The following ARAP2 variants were observed in gnomAD, a reference collection of about 807,000 sequenced individuals.
The protein encoded by ARAP2 is arf-GAP with Rho-GAP domain, ANK repeat and PH domain-containing protein 2.
In ARAP2, 148 loss-of-function variants were observed where a neutral mutation model predicts 194.5. That is an observed-to-expected ratio of 0.76 (90% CI 0.67 to 0.87). The LOEUF is 0.87. ARAP2 is among the 40% of genes least tolerant of loss of function. The probability of loss-of-function intolerance (pLI) is 0.00; values close to 1 mark genes in which losing one functional copy is unlikely to be tolerated. For missense variants in ARAP2, 2,128 were observed against 1,989.7 expected, an observed-to-expected ratio of 1.07 and a Z score of -1.32; for synonymous variants, 695 against 683.5, an observed-to-expected ratio of 1.02 and a Z score of -0.26.
intron 31 of ARAP2, among the ~76,000 whole-genome samples, chr4:36,078,523 T>TAAC (rs1443561726): frequency 6.6e-6 from 1 of 152,204 alleles, no homozygotes; most frequent in East Asian, 1.9e-4. Flanking sequence ...ATTTTGCTGT[T>TAAC]TCCCTACAGA....
At position 36,228,841 on chromosome 4, in the gene ARAP2, A is replaced by G. The variant is rs1750878389; in HGVS notation, c.646T>C (p.Cys216Arg). The change falls in exon 2 of 33, where the codon TGC (cysteine) becomes CGC (arginine). Residue 216 changes from cysteine (C) to arginine (R), a missense_variant. By Grantham distance (180) the Cys-to-Arg change is radical. Coordinates refer to ENST00000303965, the MANE Select transcript of ARAP2 (RefSeq NM_015230.4). ...LSKLPNADSE[C>R]LSFVGCSTSG... Reference sequence around the variant, plus strand: ...GTTGAACAGCCAACAAAAGAAAGGCATTCAGAGTCTGCATTAGGGAGCTTA... The same window carrying G: ...GTTGAACAGCCAACAAAAGAAAGGCGTTCAGAGTCTGCATTAGGGAGCTTA... 6.2e-7 allele frequency: 1 copy of G among 1,614,066 alleles called. No individual in the cohort carries two copies. Among genetic ancestry groups the G allele is most frequent in the African/African-American group, 1.3e-5 (1 of 74,946 alleles).
intron 14 of ARAP2, 86 bp from the exon 15 acceptor site, chr4:36,158,950 C>A: frequency 8.1e-7 from 1 of 1,232,730 alleles, no homozygotes. Flanking sequence ...GAGTTTTGAG[C>A]TAGAAGAAAA....
chr4:36,069,802 G>A (rs1011573830), intron 32 of ARAP2, among the ~76,000 whole-genome samples: 1 of 152,144 alleles, frequency 6.6e-6, no homozygotes, highest in African/African-American at 2.4e-5. Context: ...TGTTGGAGAT[G>A]AGGCCTGATA....
intron 9 of ARAP2, among the ~76,000 whole-genome samples, chr4:36,008,853 A>C (rs1006320961): frequency 3.3e-5 from 5 of 152,166 alleles, no homozygotes; most frequent in Non-Finnish European, 5.9e-5. Context: ...TCAACAAGTA[A>C]AATACAAATA....
At chr4:36,146,010 C>T (rs1227677844) in intron 19 of ARAP2, among the ~76,000 whole-genome samples, 1 of 151,992 alleles carries the variant, frequency 6.6e-6, no homozygotes, top group Non-Finnish European at 1.5e-5. Flanking sequence ...TTACCATTCC[C>T]AAAACCAAAC....
At chr4:36,061,129 G>A (rs1724365658), downstream of ARAP2, among the ~76,000 whole-genome samples, 1 of 152,132 alleles carries the variant, frequency 6.6e-6, no homozygotes, top group South Asian at 2.1e-4. Context: ...TATATGAGAT[G>A]TTTTAATATA....
chr4:36,064,194 G>GT (rs1279397500), downstream of ARAP2, among the ~76,000 whole-genome samples: 2 of 116,736 alleles, frequency 1.7e-5, no homozygotes, highest in African/African-American at 6.6e-5. Flanking sequence ...TTGCTTTTTT[G>GT]TTTTTTTCTT....
intron 9 of ARAP2, among the ~76,000 whole-genome samples, chr4:36,176,096 C>T (rs1209387000): frequency 6.6e-6 from 1 of 152,150 alleles, no homozygotes; most frequent in Non-Finnish European, 1.5e-5. Context: ...TTCTCTTCAA[C>T]CTAGACTTTA....
intron 32 of ARAP2, among the ~76,000 whole-genome samples, chr4:36,069,965 T>C (rs1041788619): frequency 1.3e-5 from 2 of 152,120 alleles, no homozygotes; most frequent in African/African-American, 4.8e-5. Context: ...GCTCCAGCCA[T>C]GTAAGATGTG....
At chr4:36,083,666 T>C (rs1027678069) in intron 28 of ARAP2, among the ~76,000 whole-genome samples, 3 of 152,196 alleles carry the variant, frequency 2.0e-5, no homozygotes, top group African/African-American at 7.2e-5. Flanking sequence ...TTGGATATAT[T>C]CATGTTATAT....
At chr4:36,220,448 T>C (rs1748898410) in intron 2 of ARAP2, among the ~76,000 whole-genome samples, 1 of 152,204 alleles carries the variant, frequency 6.6e-6, no homozygotes. Flanking sequence ...TATAAAAGTA[T>C]AGTGCATAAA....
intron 5 of ARAP2, among the ~76,000 whole-genome samples, chr4:36,019,610 T>A (rs924038185): frequency 3.3e-5 from 5 of 151,722 alleles, no homozygotes; most frequent in South Asian, 4.1e-4. Context: ...GCTTCCTGGG[T>A]CCTGCACAAC....
At position 36,148,633 on chromosome 4, in the gene ARAP2, T is replaced by A. The variant is rs1001445105; in HGVS notation, c.2898-126A>T. The A allele has an allele frequency of 7.3e-5, 50 of 682,458 alleles. No individual in the cohort carries two copies. In the East Asian group the frequency reaches 1.3e-3, roughly 17 times the overall value. 42.3% of individuals were successfully genotyped at this position (682,458 alleles called of 1,614,324 possible). ...AAACTAATGTTATGAAATCATCCTA[T>A]TAGATTCTGTTAATGGTTTGCATTT... On this transcript the variant is annotated intron_variant, in intron 16 of 32. Coordinates refer to ENST00000303965, the MANE Select transcript of ARAP2 (RefSeq NM_015230.4).
chr4:36,193,376 G>C (rs2109918086), intron 7 of ARAP2, among the ~76,000 whole-genome samples: 1 of 152,276 alleles, frequency 6.6e-6, no homozygotes, highest in Admixed American at 6.5e-5. Flanking sequence ...TAAAATTAGT[G>C]TGTTAAGAGA....
intron 9 of ARAP2, among the ~76,000 whole-genome samples, chr4:36,010,373 G>C (rs1714244175): frequency 6.6e-6 from 1 of 151,956 alleles, no homozygotes. Flanking sequence ...CAACGGTCTA[G>C]TCCTACTATG....
Position 36,092,022 on chromosome 4 carries a change from T to C in ARAP2, c.4286-2A>G. 2 of 1,547,180 alleles carry C rather than the reference T, an allele frequency of 1.3e-6. No homozygotes were observed. ...TGATGCTTCCCAGTGTACTCCGGTCTGTAAAGTACAGCATTACTTTTGTGA... is the reference window on the plus strand; with the variant it reads ...TGATGCTTCCCAGTGTACTCCGGTCCGTAAAGTACAGCATTACTTTTGTGA... On this transcript the variant is annotated splice_acceptor_variant, in intron 27 of 32. Coordinates refer to ENST00000303965, the MANE Select transcript of ARAP2 (RefSeq NM_015230.4). LOFTEE classifies it high-confidence loss of function.
chr4:36,241,397 A>AT (rs1285589558), intron 1 of ARAP2, among the ~76,000 whole-genome samples: 1 of 152,146 alleles, frequency 6.6e-6, no homozygotes, highest in African/African-American at 2.4e-5. Context: ...TTACTGGACC[A>AT]TTTTTTAACA....
rs943695640 is a variant in ARAP2, at chr4:36,228,631, G to A, written c.856C>T (p.His286Tyr). 1.9e-6 allele frequency: 3 copies of A among 1,613,820 alleles called. No homozygotes were observed. In the African/African-American group the frequency reaches 4.0e-5, roughly 22 times the overall value. Residue 286 changes from histidine (H) to tyrosine (Y), a missense_variant, in exon 2 of 33, where the codon CAT (histidine) becomes TAT (tyrosine). Transcript: ENST00000303965. ...CCTGGAATCTCTGGTACAGGTCGAT[G>A]TCTTAGCAGAAAAGATCGAGATGGT... ...SRPSRSFLLR[H>Y]RPVPEIPGST...
chr4:36,015,700 CAA>C (rs1715658709), intron 7 of ARAP2: 1 of 152,088 alleles, frequency 6.6e-6, no homozygotes, highest in Admixed American at 6.5e-5. Context: ...TTCTACTGGT[CAA>C]AGTTTGTTAT....
Sources: allele counts gnomAD v4.1 joint callset (sites outside exome capture counted in the v4.1 genomes callset), GRCh38; gene constraint gnomAD v4.1.1; transcripts MANE v1.5; gene names NCBI Gene and HGNC (gene_info 2026-07-23, HGNC 2026-07-21).